The following GRIN2B variants were observed in gnomAD, a reference collection of about 807,000 sequenced individuals.
The protein encoded by GRIN2B is glutamate ionotropic receptor NMDA type subunit 2B, also known as glutamate receptor ionotropic, NMDA 2B.
A neutral mutation model predicts 114.5 loss-of-function variants in GRIN2B; 5 were observed. The ratio of observed to expected loss-of-function variants is 0.04; its 90% CI spans 0.02 to 0.09. The LOEUF is 0.09. Among genes scored for constraint, GRIN2B ranks in the 10% least tolerant of loss-of-function variants. GRIN2B has a pLI of 1.00. For synonymous variants in GRIN2B, 787 were observed against 745.1 expected (o/e 1.06, Z -0.92); for missense variants, 1,108 against 1,943.5 (o/e 0.57, Z 8.08).
intron 3 of GRIN2B, among the ~76,000 whole-genome samples, chr12:13,763,039 AC>A (rs1863711061): frequency 6.6e-6 from 1 of 152,014 alleles, no homozygotes; most frequent in African/African-American, 2.4e-5. Flanking sequence ...CATCTCCCAA[AC>A]CAATTTGGTC....
intron 5 of GRIN2B, among the ~76,000 whole-genome samples, chr12:13,643,108 T>A (rs2193154): frequency 0.076 from 11,541 of 152,246 alleles, 461 homozygotes; most frequent in Non-Finnish European, 0.089. Flanking sequence ...TTTCTTACAC[T>A]GGAAATGTGT....
chr12:13,835,559 A>G (rs12317299), intron 3 of GRIN2B, among the ~76,000 whole-genome samples: 23,943 of 151,954 alleles, frequency 0.16, 2,432 homozygotes, highest in Non-Finnish European at 0.22. Context: ...AAGGGCTCTC[A>G]GAAGGCCACG....
intron 10 of GRIN2B, among the ~76,000 whole-genome samples, chr12:13,574,860 C>T (rs74065136): frequency 2.6e-5 from 4 of 152,162 alleles, no homozygotes; most frequent in Non-Finnish European, 5.9e-5. Context: ...ACAGTAATCA[C>T]GAGAGTGTGG....
At chr12:13,760,983 T>C (rs1320179975) in intron 3 of GRIN2B, among the ~76,000 whole-genome samples, 1 of 152,310 alleles carries the variant, frequency 6.6e-6, no homozygotes, top group South Asian at 2.1e-4. Context: ...TCTTGCAAGA[T>C]AGGGAAAATT....
intron 3 of GRIN2B, among the ~76,000 whole-genome samples, chr12:13,805,356 A>T (rs1318795420): frequency 6.6e-6 from 1 of 152,198 alleles, no homozygotes; most frequent in East Asian, 1.9e-4. Context: ...GATAATCTAA[A>T]CAAAGTTATA....
intron 10 of GRIN2B, among the ~76,000 whole-genome samples, chr12:13,574,524 A>G (rs548669789): frequency 1.1e-4 from 17 of 152,296 alleles, no homozygotes; most frequent in African/African-American, 3.4e-4. Flanking sequence ...GGTATAAATT[A>G]TTACACTTTA....
chr12:13,925,066 A>T (rs919656211), intron 2 of GRIN2B, among the ~76,000 whole-genome samples: 1 of 152,218 alleles, frequency 6.6e-6, no homozygotes, highest in African/African-American at 2.4e-5. Context: ...AAAAACCAGA[A>T]TCCAGGTATC....
chr12:13,912,849 A>G (rs1866647528), intron 2 of GRIN2B, among the ~76,000 whole-genome samples: 1 of 152,122 alleles, frequency 6.6e-6, no homozygotes, highest in Non-Finnish European at 1.5e-5. Context: ...CAGGAAGGTA[A>G]GAGGGGTCAG....
chr12:13,919,301 G>A lies in GRIN2B; in HGVS notation c.-18-53075C>T, dbSNP rs192442910. On this transcript the variant is annotated intron_variant, in intron 2 of 13. Coordinates refer to ENST00000609686, the MANE Select transcript of GRIN2B (RefSeq NM_000834.5). Reference sequence around the variant, plus strand: ...CTAGGAGTCCCCATATATCATGTACGTAAAAAGCCAAAAAAGTCAAGTTAG... The same window carrying A: ...CTAGGAGTCCCCATATATCATGTACATAAAAAGCCAAAAAAGTCAAGTTAG... Among the ~76,000 whole-genome samples, 272 of 152,120 alleles carry A rather than the reference G, an allele frequency of 1.8e-3. 2 individuals are homozygous for A. Among genetic ancestry groups the A allele is most frequent in the South Asian group, 4.1e-3 (20 of 4,822 alleles).
rs1339473378 is a variant in GRIN2B at position 13,550,073 on chromosome 12, A to T, written c.*12710T>A. 1 of 152,182 alleles carries T rather than the reference A, an allele frequency of 6.6e-6. No homozygotes were observed. Among genetic ancestry groups the T allele is most frequent in the Non-Finnish European group, 1.5e-5 (1 of 68,020 alleles). 9.4% of individuals were successfully genotyped at this position (152,182 alleles called of 1,614,324 possible). A position where few individuals can be genotyped will look rare whatever the true frequency, so the allele number is the denominator to read the frequency against. The stretch of plus-strand genomic sequence containing the variant: ...TTTGGTTCTGTCAAGAATTTTCTGT[A>T]TAATCTTACTTTTGGCTAATTATCC... On this transcript the variant is annotated 3_prime_UTR_variant, in exon 14 of 14. Transcript: ENST00000609686.
intron 2 of GRIN2B, among the ~76,000 whole-genome samples, chr12:13,960,471 T>A (rs61912018): frequency 0.073 from 11,135 of 152,138 alleles, 513 homozygotes; most frequent in Middle Eastern, 0.13. Flanking sequence ...TACTGCCTTT[T>A]TGTGGCAAGA....
At chr12:13,699,220 C>A (rs967509330) in intron 4 of GRIN2B, among the ~76,000 whole-genome samples, 1 of 152,078 alleles carries the variant, frequency 6.6e-6, no homozygotes, top group African/African-American at 2.4e-5. Flanking sequence ...TATTATATGC[C>A]TTGGGAAAGT....
chr12:13,869,455 T>C (rs547300289), intron 2 of GRIN2B, among the ~76,000 whole-genome samples: 9 of 152,256 alleles, frequency 5.9e-5, no homozygotes, highest in Admixed American at 3.3e-4. Flanking sequence ...GGTTGAACCA[T>C]ATAAAATTGT....
intron 8 of GRIN2B, among the ~76,000 whole-genome samples, chr12:13,614,033 A>C (rs924162312): frequency 2.6e-5 from 4 of 151,120 alleles, no homozygotes; most frequent in Admixed American, 6.6e-5. Flanking sequence ...AAAAAAAAAA[A>C]AAAAAGCAAA....
intron 5 of GRIN2B, among the ~76,000 whole-genome samples, chr12:13,650,967 A>G (rs991158850): frequency 1.3e-5 from 2 of 152,106 alleles, no homozygotes; most frequent in African/African-American, 4.8e-5. Flanking sequence ...TCTCTGGTCA[A>G]AGCTGAGTTA....
In GRIN2B at chr12:13,539,147, TA is replaced by T; in HGVS notation, c.*23635del. 6.6e-6 allele frequency: 1 copy of T among 152,206 alleles called. No homozygotes were observed. The highest frequency in any genetic ancestry group is 1.5e-5 in the Non-Finnish European group (1 of 68,046). The allele number at this position is 152,206 out of a possible 1,614,324, so 9.4% of individuals were successfully genotyped here. Reference sequence around the variant, plus strand: ...AAAGTACAAGAGAGACCCTCACAGATAATCTCTCTGAGACAGTAACTTCAAA... The same window carrying T: ...AAAGTACAAGAGAGACCCTCACAGATATCTCTCTGAGACAGTAACTTCAAA... On this transcript the variant is annotated 3_prime_UTR_variant, in exon 14 of 14. Coordinates refer to ENST00000609686, the MANE Select transcript of GRIN2B (RefSeq NM_000834.5).
intron 10 of GRIN2B, among the ~76,000 whole-genome samples, chr12:13,604,399 A>T (rs992215701): frequency 6.6e-5 from 10 of 152,222 alleles, no homozygotes; most frequent in African/African-American, 2.2e-4. Flanking sequence ...AATAAAGCTG[A>T]AGATAACTTT....
At chr12:13,682,250 T>G (rs1490177466) in intron 4 of GRIN2B, among the ~76,000 whole-genome samples, 1 of 152,136 alleles carries the variant, frequency 6.6e-6, no homozygotes, top group Non-Finnish European at 1.5e-5. Flanking sequence ...GAAGAAGGAT[T>G]TGAAGAAGTT....
At position 13,564,082 on chromosome 12, in the gene GRIN2B, G is replaced by T. The variant is rs543452359; in HGVS notation, c.3156C>A (p.His1052Gln). 6.2e-7 allele frequency: 1 copy of T among 1,614,200 alleles called. No individual in the cohort carries two copies. The highest frequency in any genetic ancestry group is 8.5e-7 in the Non-Finnish European group (1 of 1,180,024). Residue 1052 changes from histidine (H) to glutamine (Q), a missense_variant, in exon 14 of 14, where the codon CAC becomes CAA. Coordinates refer to ENST00000609686, the MANE Select transcript of GRIN2B (RefSeq NM_000834.5). This position sits in a 1 kb window ranked among gnomAD's most constrained non-coding sequence, Gnocchi z 4.8. The stretch of plus-strand genomic sequence containing the variant: ...AGACATCGGAGCGGATCAAGTCGTC[G>T]TGGCCACTGTAGCGGTCGCTCTTGA... ...FSFKSDRYSG[H>Q]DDLIRSDVSD...
Sources: allele counts gnomAD v4.1 joint callset (sites outside exome capture counted in the v4.1 genomes callset), GRCh38; gene constraint gnomAD v4.1.1; non-coding constraint Gnocchi (gnomAD v3.1); transcripts MANE v1.5; gene names NCBI Gene and HGNC (gene_info 2026-07-23, HGNC 2026-07-21).